Variants in KLHL13 observed in about 807,000 individuals in gnomAD.
The protein encoded by KLHL13 is kelch-like protein 13.
Under a neutral mutation model 37.1 loss-of-function variants are expected in KLHL13, and 10 were observed. That is an observed-to-expected ratio of 0.27 (90% CI 0.17 to 0.46). The LOEUF (loss-of-function observed/expected upper bound fraction) is 0.46. Among genes scored for constraint, KLHL13 ranks in the 20% least tolerant of loss-of-function variants. The pLI is 1.00. For missense variants in KLHL13, 360 were observed against 509.3 expected (o/e 0.71, Z 2.82); for synonymous variants, 163 against 181.2 (o/e 0.90, Z 0.81).
At chrX:118,112,662 C>T (rs1392809274) in intron 1 of KLHL13, among the ~76,000 whole-genome samples, 1 of 111,882 alleles carries the variant, frequency 8.9e-6, no homozygotes. Flanking sequence ...ATCAAGTTGA[C>T]CCTGCAGGCA....
chrX:117,913,323 T>A (rs986157443), intron 4 of KLHL13, among the ~76,000 whole-genome samples: 5 of 112,249 alleles, frequency 4.5e-5, no homozygotes, highest in Non-Finnish European at 9.4e-5. Context: ...GATAATTGGA[T>A]ATCCATAAAT....
At chrX:118,022,658 G>A (rs1423946359) in intron 1 of KLHL13, among the ~76,000 whole-genome samples, 1 of 111,612 alleles carries the variant, frequency 9.0e-6, no homozygotes, top group Non-Finnish European at 1.9e-5. Flanking sequence ...ATCTATTCAG[G>A]TCCTTTGCTC....
At chrX:117,936,533 T>C (rs190487303) in intron 2 of KLHL13, among the ~76,000 whole-genome samples, 1 of 111,899 alleles carries the variant, frequency 8.9e-6, no homozygotes, top group Admixed American at 9.5e-5. Flanking sequence ...CATTAACTAT[T>C]TTCTGTTTTC....
chrX:118,058,128 T>C (rs770119885), intron 1 of KLHL13, among the ~76,000 whole-genome samples: 1 of 111,517 alleles, frequency 9.0e-6, no homozygotes, highest in Non-Finnish European at 1.9e-5. Context: ...AGCCTCTCCA[T>C]TACATAGTGT....
chrX:117,951,839 C>A (rs926934548), intron 1 of KLHL13, among the ~76,000 whole-genome samples: 1 of 112,192 alleles, frequency 8.9e-6, no homozygotes, highest in South Asian at 3.7e-4. Context: ...ACTCATTTAA[C>A]TTACAAAGGA....
chrX:118,016,800 A>G (rs2054132671), intron 1 of KLHL13, among the ~76,000 whole-genome samples: 1 of 111,618 alleles, frequency 9.0e-6, no homozygotes, highest in African/African-American at 3.3e-5. Context: ...AGGAACAAGT[A>G]GGATTTTAAT....
At chrX:117,998,916 T>G (rs1329354299) in intron 1 of KLHL13, among the ~76,000 whole-genome samples, 4 of 110,250 alleles carry the variant, frequency 3.6e-5, no homozygotes, top group Non-Finnish European at 7.6e-5. Context: ...TATATAAATT[T>G]TATATAAACA....
In KLHL13 at chrX:117,956,948, T is replaced by C. The variant is rs6646011; in HGVS notation, c.99-11373A>G. Among the ~76,000 whole-genome samples, 701 of 112,539 alleles carry C rather than the reference T, an allele frequency of 6.2e-3. 6 individuals carry two copies. Among genetic ancestry groups the C allele is most frequent in the African/African-American group, 0.02 (609 of 31,063 alleles). On this transcript the variant is annotated intron_variant, in intron 1 of 6. Coordinates refer to ENST00000262820, the Ensembl canonical transcript of KLHL13. ...TATTTCTTAATGACCATTCCTAAAA[T>C]GTTGGTCAGTCAGAAGAAATTTCAG... is the stretch of plus-strand genomic sequence containing the variant.
At chrX:118,089,669 A>AGAAAGAAAG (rs1556002570) in intron 1 of KLHL13, among the ~76,000 whole-genome samples, 6 of 88,067 alleles carry the variant, frequency 6.8e-5, no homozygotes, top group African/African-American at 2.7e-4. Context: ...AAAGAAAGAA[A>AGAAAGAAAG]AAAGAAAGTT....
intron 1 of KLHL13, among the ~76,000 whole-genome samples, chrX:118,049,640 C>T (rs1253434718): frequency 2.7e-5 from 3 of 110,165 alleles, no homozygotes; most frequent in Non-Finnish European, 5.7e-5. Flanking sequence ...TGCTCCCACA[C>T]ACGCACCCTA....
intron 1 of KLHL13, among the ~76,000 whole-genome samples, chrX:118,099,643 G>T (rs752043751): frequency 1.8e-5 from 2 of 110,058 alleles, no homozygotes; most frequent in African/African-American, 6.6e-5. Context: ...GCAACACCTC[G>T]TCTCTAATAA....
chrX:117,920,599 C>T (rs1440913566), intron 2 of KLHL13, among the ~76,000 whole-genome samples: 2 of 111,866 alleles, frequency 1.8e-5, no homozygotes, highest in African/African-American at 3.2e-5. Context: ...AGGTTAAAAA[C>T]GATTAAGGAA....
chrX:117,985,409 G>T, intron 1 of KLHL13: 2 of 888,364 alleles, frequency 2.3e-6, no homozygotes, highest in Non-Finnish European at 1.4e-6. Context: ...CAACACTTCA[G>T]TTGTAGCTCC....
intron 5 of KLHL13, among the ~76,000 whole-genome samples, chrX:117,905,653 T>G (rs972241311): frequency 1.5e-4 from 15 of 97,210 alleles, no homozygotes; most frequent in Admixed American, 2.1e-4. Flanking sequence ...GTTGCCACTG[T>G]TTTTTTTTTA....
At chrX:118,103,363 AACTTT>A (rs2055310979) in intron 1 of KLHL13, among the ~76,000 whole-genome samples, 1 of 111,918 alleles carries the variant, frequency 8.9e-6, no homozygotes, top group Non-Finnish European at 1.9e-5. Flanking sequence ...TGCAAATAAA[AACTTT>A]ACTTAAGATT....
At chrX:118,082,820 T>G (rs1387184754) in intron 1 of KLHL13, among the ~76,000 whole-genome samples, 2 of 111,664 alleles carry the variant, frequency 1.8e-5, no homozygotes, top group African/African-American at 6.5e-5. Flanking sequence ...CATATGGATA[T>G]CCTATTTCCC....
chrX:118,089,666 GAAA>G (rs1275476595), intron 1 of KLHL13, among the ~76,000 whole-genome samples: 8 of 103,927 alleles, frequency 7.7e-5, no homozygotes, highest in African/African-American at 1.0e-4. Context: ...AAGAAAGAAA[GAAA>G]AAAGAAAGTT....
intron 1 of KLHL13, among the ~76,000 whole-genome samples, chrX:118,085,025 A>AAATAATAATAAT (rs767908903): frequency 9.1e-6 from 1 of 109,468 alleles, no homozygotes; most frequent in Non-Finnish European, 1.9e-5. Context: ...TCTGTCTAAA[A>AAATAATAATAAT]AATAATAATA....
At chrX:117,985,120 CTACAA>C in intron 1 of KLHL13, 1 of 460,561 alleles carries the variant, frequency 2.2e-6, no homozygotes, top group Non-Finnish European at 3.5e-6. Context: ...CTCCTGAATT[CTACAA>C]TACATCTAAA....
Sources: gnomAD v4.1 joint callset for allele counts (sites outside exome capture counted in the v4.1 genomes callset) on GRCh38, gnomAD v4.1.1 for gene constraint, MANE v1.5 for transcripts, NCBI Gene and HGNC (gene_info 2026-07-23, HGNC 2026-07-21) for gene names.